The following PADI1 variants were observed in gnomAD, a reference collection of about 807,000 sequenced individuals.
The protein encoded by PADI1 is protein-arginine deiminase type-1.
PADI1 carries 65 observed loss-of-function variants against 74.8 expected under a neutral mutation model. The observed-to-expected ratio is 0.87, with a 90% CI of 0.71 to 1.07. The LOEUF is 1.07. Among genes scored for constraint, PADI1 ranks in the 50% least tolerant of loss-of-function variants. The probability of loss-of-function intolerance (pLI) is 0.00; values close to 1 mark genes in which losing one functional copy is unlikely to be tolerated. For synonymous variants in PADI1, 371 were observed against 336.2 expected (o/e 1.10, Z -1.13); for missense variants, 943 against 854.0 (o/e 1.10, Z -1.30).
chr1:17,223,592 C>A (rs775715339), intron 2 of PADI1, 29 bp from the exon 3 acceptor site: 1 of 1,581,596 alleles, frequency 6.3e-7, no homozygotes, highest in Non-Finnish European at 8.7e-7. Context: ...AAGGTGATGG[C>A]CGTGCAGGCT....
At chr1:17,215,347 G>A (rs1207805216) in intron 1 of PADI1, among the ~76,000 whole-genome samples, 1 of 152,046 alleles carries the variant, frequency 6.6e-6, no homozygotes, top group Admixed American at 6.6e-5. Flanking sequence ...TAGCCCCAGA[G>A]AAATTGTACC....
intron 1 of PADI1, among the ~76,000 whole-genome samples, chr1:17,221,528 GA>G (rs1453948032): frequency 6.6e-6 from 1 of 151,702 alleles, no homozygotes; most frequent in Non-Finnish European, 1.5e-5. Flanking sequence ...CAGTCGGGGG[GA>G]AAGGTGGGCA....
intron 15 of PADI1, among the ~76,000 whole-genome samples, chr1:17,242,166 C>T (rs1224085748): frequency 1.3e-5 from 2 of 152,134 alleles, no homozygotes; most frequent in African/African-American, 4.8e-5. Context: ...GGATGCTTAG[C>T]GGCCTCCCTG....
At chr1:17,215,233 C>A (rs34306509) in intron 1 of PADI1, among the ~76,000 whole-genome samples, 3,176 of 152,196 alleles carry the variant, frequency 0.021, 64 homozygotes, top group Non-Finnish European at 0.033. Flanking sequence ...GAGCCCAGCA[C>A]CCCAGAGAGA....
At chr1:17,215,056 G>GTTGGGAA (rs2071938500) in intron 1 of PADI1, among the ~76,000 whole-genome samples, 1 of 152,224 alleles carries the variant, frequency 6.6e-6, no homozygotes, top group East Asian at 1.9e-4. Flanking sequence ...AGGCAGTGGG[G>GTTGGGAA]CTGGGAACTA....
At chr1:17,227,567 A>T (rs187295943) in intron 6 of PADI1, among the ~76,000 whole-genome samples, 3,721 of 142,300 alleles carry the variant, frequency 0.026, 53 homozygotes, top group Non-Finnish European at 0.035. Flanking sequence ...ATAAATAAAT[A>T]AATAAATAAA....
chr1:17,207,592 G>A (rs141956975), intron 1 of PADI1, among the ~76,000 whole-genome samples: 220 of 152,354 alleles, frequency 1.4e-3, no homozygotes, highest in Non-Finnish European at 2.7e-3. Flanking sequence ...CTGAGAGGAT[G>A]GGAGGAGACG....
chr1:17,236,154 CA>C (rs2072635776), intron 11 of PADI1, among the ~76,000 whole-genome samples: 2 of 152,188 alleles, frequency 1.3e-5, no homozygotes, highest in African/African-American at 4.8e-5. Flanking sequence ...CTGACCTTAG[CA>C]ATGGACAAAC....
chr1:17,221,537 G>T (rs1464498140), intron 1 of PADI1, among the ~76,000 whole-genome samples: 3 of 152,068 alleles, frequency 2.0e-5, no homozygotes, highest in Middle Eastern at 3.4e-3. Context: ...GGAAAGGTGG[G>T]CAAGGTGCAG....
At chr1:17,211,217 T>TG (rs1022724442) in intron 1 of PADI1, among the ~76,000 whole-genome samples, 1 of 151,644 alleles carries the variant, frequency 6.6e-6, no homozygotes, top group Admixed American at 6.6e-5. Flanking sequence ...TTTTTGTTTT[T>TG]GTTTTTTTTT....
Position 17,205,132 on chromosome 1 carries a change from C to T in PADI1, c.-86C>T, listed in dbSNP as rs764215868. Reference sequence around the variant, plus strand: ...AGGAGGAGGCACCAGTCCATCAGAACTCACACTTCTTCCTGGCAAAGAAGT... The same window carrying T: ...AGGAGGAGGCACCAGTCCATCAGAATTCACACTTCTTCCTGGCAAAGAAGT... On this transcript the variant is annotated 5_prime_UTR_variant, in exon 1 of 16. Coordinates refer to ENST00000375471, the MANE Select transcript of PADI1 (RefSeq NM_013358.3). 1.9e-6 allele frequency: 2 copies of T among 1,061,676 alleles called. No individual in the cohort carries two copies. The highest frequency in any genetic ancestry group is 2.9e-6 in the Non-Finnish European group (2 of 692,572). 65.8% of individuals were successfully genotyped at this position (1,061,676 alleles called of 1,614,324 possible). A position where few individuals can be genotyped will look rare whatever the true frequency, so the allele number is the denominator to read the frequency against.
intron 1 of PADI1, among the ~76,000 whole-genome samples, chr1:17,205,727 G>A (rs548170579): frequency 4.6e-5 from 7 of 152,256 alleles, no homozygotes; most frequent in Non-Finnish European, 7.4e-5. Context: ...GTGAAGGGAC[G>A]TGTGTGGTAG....
chr1:17,239,875 C>A, intron 14 of PADI1, 92 bp downstream of exon 14: 1 of 1,003,654 alleles, frequency 1.0e-6, no homozygotes, highest in African/African-American at 1.6e-5. Flanking sequence ...AGATTCAGCG[C>A]TGGAGCTCTC....
chr1:17,230,948 G>C (rs113081455), intron 10 of PADI1, among the ~76,000 whole-genome samples: 1 of 152,298 alleles, frequency 6.6e-6, no homozygotes, highest in South Asian at 2.1e-4. Context: ...TGGATAAGGC[G>C]GCTGGTCACC....
rs1353650992 is a variant in PADI1, at chr1:17,245,506, C to T, written c.*1263C>T. 6.6e-6 allele frequency: 1 copy of T among 152,338 alleles called. No individual in the cohort carries two copies. The highest frequency in any genetic ancestry group is 1.5e-5 in the Non-Finnish European group (1 of 68,072). 9.4% of individuals were successfully genotyped at this position (152,338 alleles called of 1,614,324 possible). ...CCTCTTCCCCCACTGCCAGTGAGGC[C>T]ATTGTAGGGCAGTTGGCCCTAGGGC... On this transcript the variant is annotated 3_prime_UTR_variant, in exon 16 of 16. Coordinates refer to ENST00000375471, the MANE Select transcript of PADI1 (RefSeq NM_013358.3). This position sits in a 1 kb window ranked among gnomAD's most constrained non-coding sequence, Gnocchi z 4.1.
chr1:17,235,289 A>AGGAAGGAAGGAG (rs1557479087), intron 11 of PADI1, among the ~76,000 whole-genome samples: 1 of 127,650 alleles, frequency 7.8e-6, no homozygotes, highest in Non-Finnish European at 1.6e-5. Flanking sequence ...GAAGGAAGGA[A>AGGAAGGAAGGAG]GGAGGGAAGG....
intron 12 of PADI1, 106 bp from the exon 13 acceptor site, chr1:17,238,510 A>G: frequency 2.2e-6 from 1 of 463,260 alleles, no homozygotes; most frequent in Non-Finnish European, 3.8e-6. Context: ...CGAGTGGGAG[A>G]GGGGAGTCCC....
chr1:17,208,590 T>C (rs1251347109), intron 1 of PADI1, among the ~76,000 whole-genome samples: 1 of 109,744 alleles, frequency 9.1e-6, no homozygotes, highest in African/African-American at 3.4e-5. Flanking sequence ...CTCACCACCC[T>C]GTCCACCCCC....
Position 17,237,329 on chromosome 1 carries a change from G to C in PADI1, c.1329G>C (p.Gln443His). ...GSSFPKSGGR[Q>H]MARAVRNFLK... ...TCCTGGCCAGGTCCGGTGGGCGGCA[G>C]ATGGCCAGGGCAGTGCGGAACTTCC... Residue 443 changes from glutamine (Q) to histidine (H), a missense_variant, in exon 12 of 16, where the codon CAG becomes CAC. By Grantham distance (24) the Gln-to-His change is conservative (BLOSUM62 0). Coordinates refer to ENST00000375471, the MANE Select transcript of PADI1 (RefSeq NM_013358.3). 1.2e-6 allele frequency: 2 copies of C among 1,609,296 alleles called. No individual in the cohort carries two copies. The highest frequency in any genetic ancestry group is 2.2e-5 in the South Asian group (2 of 90,548).
Sources: allele counts gnomAD v4.1 joint callset (sites outside exome capture counted in the v4.1 genomes callset), GRCh38; gene constraint gnomAD v4.1.1; non-coding constraint Gnocchi (gnomAD v3.1); transcripts MANE v1.5; gene names NCBI Gene and HGNC (gene_info 2026-07-23, HGNC 2026-07-21).